The following TMEM131 variants were observed in gnomAD, a reference collection of about 807,000 sequenced individuals.
The protein encoded by TMEM131 is transmembrane protein 131.
A neutral mutation model predicts 211.6 loss-of-function variants in TMEM131; 66 were observed. That is an observed-to-expected ratio of 0.31 (90% CI 0.26 to 0.38). TMEM131 has a LOEUF of 0.38. TMEM131 is among the 10% of genes least tolerant of loss of function. The pLI is 1.00. For synonymous variants in TMEM131, 844 were observed against 841.3 expected, an observed-to-expected ratio of 1.00 and a Z score of -0.06; for missense variants, 2,036 against 2,299.3, an observed-to-expected ratio of 0.89 and a Z score of 2.34.
At chr2:97,819,761 G>A (rs1682021113) in intron 11 of TMEM131, among the ~76,000 whole-genome samples, 2 of 152,190 alleles carry the variant, frequency 1.3e-5, no homozygotes, top group South Asian at 4.1e-4. Flanking sequence ...AAAGAACATT[G>A]TCCTTTTCTG....
At chr2:97,973,634 G>T (rs1559484216) in intron 1 of TMEM131, among the ~76,000 whole-genome samples, 1 of 152,170 alleles carries the variant, frequency 6.6e-6, no homozygotes, top group African/African-American at 2.4e-5. Context: ...TTTGTGTGAG[G>T]TAACTCCCCA....
chr2:97,965,155 C>T (rs1678996167), intron 1 of TMEM131, among the ~76,000 whole-genome samples: 2 of 152,204 alleles, frequency 1.3e-5, no homozygotes, highest in South Asian at 4.1e-4. Context: ...CCACTCCCAC[C>T]CATTTCAGTC....
intron 32 of TMEM131, among the ~76,000 whole-genome samples, chr2:97,773,655 T>C (rs1420558937): frequency 8.2e-5 from 5 of 60,798 alleles, no homozygotes; most frequent in Non-Finnish European, 2.0e-4. Context: ...TTATGTGTGG[T>C]TTTTTTTTTT....
chr2:97,972,556 T>C (rs905621471), intron 1 of TMEM131, among the ~76,000 whole-genome samples: 25 of 151,816 alleles, frequency 1.6e-4, no homozygotes, highest in Non-Finnish European at 3.1e-4. Context: ...CTAAAAACCA[T>C]CAATCTGTGG....
At chr2:97,870,906 T>C (rs1373858508) in intron 4 of TMEM131, among the ~76,000 whole-genome samples, 1 of 152,150 alleles carries the variant, frequency 6.6e-6, no homozygotes, top group Non-Finnish European at 1.5e-5. Context: ...AAAGATTGGG[T>C]AGGTAGGAAT....
intron 31 of TMEM131, among the ~76,000 whole-genome samples, chr2:97,780,043 CAAAA>C (rs1004512744): frequency 4.6e-5 from 7 of 151,162 alleles, no homozygotes; most frequent in Admixed American, 6.6e-5. Flanking sequence ...ACAAAACAAA[CAAAA>C]AACAAACAAA....
chr2:97,831,171 T>C (rs1298185948), intron 11 of TMEM131, among the ~76,000 whole-genome samples: 2 of 152,252 alleles, frequency 1.3e-5, no homozygotes, highest in East Asian at 3.8e-4. Flanking sequence ...TGCCCTTCCA[T>C]GTCTGTAAGT....
Position 97,756,486 on chromosome 2 carries a change from T to TACAA in TMEM131, c.*609_*612dup, listed in dbSNP as rs1341391841. 2.0e-5 allele frequency: 3 copies of TACAA among 152,254 alleles called. No individual in the cohort carries two copies. Among genetic ancestry groups the TACAA allele is most frequent in the Admixed American group, 1.3e-4 (2 of 15,280 alleles). 9.4% of individuals were successfully genotyped at this position (152,254 alleles called of 1,614,324 possible). ...GTATACAAATGTTACATACCTCAAG[T>TACAA]ACAAACAGCACAGAAAATGCATATG... is the stretch of plus-strand genomic sequence containing the variant. On this transcript the variant is annotated 3_prime_UTR_variant, in exon 41 of 41. Transcript: ENST00000186436.
Position 97,762,075 on chromosome 2 carries a change from G to A in TMEM131, c.4849C>T (p.Arg1617Trp), listed in dbSNP as rs746490239. 18 of 1,601,746 alleles carry A rather than the reference G, an allele frequency of 1.1e-5. No homozygotes were observed. The highest frequency in any genetic ancestry group is 6.7e-5 in the South Asian group (6 of 89,318). ...PPAAPCPFVARGSYSSIVNSS... is the reference protein window; with the variant it reads ...PPAAPCPFVAWGSYSSIVNSS... The stretch of plus-strand genomic sequence containing the variant: ...TTGACGATGCTGCTGTAGCTGCCCC[G>A]GGCCACAAAGGGGCAGGGGGCAGCT... Residue 1617 changes from arginine to tryptophan, a missense_variant, in exon 36 of 41, where the codon CGG (arginine) becomes TGG (tryptophan). Transcript: ENST00000186436.
intron 5 of TMEM131, among the ~76,000 whole-genome samples, chr2:97,849,609 G>A (rs1490763782): frequency 6.6e-6 from 1 of 151,306 alleles, no homozygotes; most frequent in Non-Finnish European, 1.5e-5. Context: ...GAATTTCACT[G>A]CAAGTATACT....
At chr2:97,819,300 G>A (rs1559379542) in intron 11 of TMEM131, among the ~76,000 whole-genome samples, 1 of 152,194 alleles carries the variant, frequency 6.6e-6, no homozygotes, top group Admixed American at 6.5e-5. Flanking sequence ...GCAGCCCACA[G>A]GGATGTTCAG....
In TMEM131 at chr2:97,838,426, C is replaced by CTTT. The variant is rs753635047; in HGVS notation, c.724-1272_724-1270dup. Among the ~76,000 whole-genome samples, 39 of 89,096 alleles carry CTTT rather than the reference C, an allele frequency of 4.4e-4. 3 individuals carry two copies. Among genetic ancestry groups the CTTT allele is most frequent in the South Asian group, 1.6e-3 (3 of 1,874 alleles). The allele number at this position is 89,096 out of a possible 152,430, so 58.5% of individuals were successfully genotyped here. A position where few individuals can be genotyped will look rare whatever the true frequency, so the allele number is the denominator to read the frequency against. ...AAAAATGGCAATTCTTAAGCTTAAACTTTTTTTTTTTTTTTTTTTTTTTTT... is the reference window on the plus strand; with the variant it reads ...AAAAATGGCAATTCTTAAGCTTAAACTTTTTTTTTTTTTTTTTTTTTTTTTTTT... On this transcript the variant is annotated intron_variant, in intron 7 of 40. Transcript: ENST00000186436.
intron 3 of TMEM131, among the ~76,000 whole-genome samples, chr2:97,893,192 T>C (rs895896862): frequency 2.0e-5 from 3 of 152,236 alleles, no homozygotes; most frequent in Non-Finnish European, 4.4e-5. Flanking sequence ...GTTTCCAGCT[T>C]CATCCATGTC....
At chr2:97,922,544 GAAGT>G (rs1257247291) in intron 2 of TMEM131, among the ~76,000 whole-genome samples, 1 of 151,942 alleles carries the variant, frequency 6.6e-6, no homozygotes, top group African/African-American at 2.4e-5. Context: ...CAATGAAACT[GAAGT>G]AACTACAGTT....
chr2:97,815,262 A>C lies in TMEM131; in HGVS notation c.1229T>G (p.Val410Gly). 4 of 1,575,610 alleles carry C rather than the reference A, an allele frequency of 2.5e-6. No homozygotes were observed. Among genetic ancestry groups the C allele is most frequent in the Non-Finnish European group, 3.4e-6 (4 of 1,169,768 alleles). Residue 410 changes from valine (V) to glycine (G), a missense_variant, in exon 13 of 41, where the codon GTT becomes GGT. By Grantham distance (109) the Val-to-Gly change is moderately radical. Transcript: ENST00000186436. ...KPSQFSGKIT[V>G]KAKEKSYSKL... is the part of the protein sequence containing the mutation. ...AGAATAACTCTTTTCCTTTGCTTTA[A>C]CTGTTATTTTCCCAGAAAACTGAGA...
rs1323418835 is a variant in TMEM131 at position 97,989,182 on chromosome 2, G to T, written c.187+6294C>A. Among the ~76,000 whole-genome samples, 5 of 151,066 alleles carry T rather than the reference G, an allele frequency of 3.3e-5. No individual in the cohort carries two copies. In the East Asian group the frequency reaches 9.6e-4, roughly 29 times the overall value. Reference sequence around the variant, plus strand: ...TTAAATATTGAAATATATGTATGTTGTGAGTTTAAGGAGCCTGTAATTGTC... The same window carrying T: ...TTAAATATTGAAATATATGTATGTTTTGAGTTTAAGGAGCCTGTAATTGTC... On this transcript the variant is annotated intron_variant, in intron 1 of 40. Transcript: ENST00000186436.
At chr2:97,864,141 C>T (rs1674176151) in intron 4 of TMEM131, among the ~76,000 whole-genome samples, 1 of 152,096 alleles carries the variant, frequency 6.6e-6, no homozygotes, top group Admixed American at 6.6e-5. Flanking sequence ...GACAAACTTT[C>T]CATGTTCTCA....
chr2:97,942,480 A>T (rs1414108527), intron 1 of TMEM131, among the ~76,000 whole-genome samples: 8 of 116,882 alleles, frequency 6.8e-5, no homozygotes, highest in African/African-American at 2.2e-4. Context: ...TATAATTTAA[A>T]AAAAAAAAAT....
At chr2:97,864,758 G>T (rs1674206074) in intron 4 of TMEM131, among the ~76,000 whole-genome samples, 1 of 152,206 alleles carries the variant, frequency 6.6e-6, no homozygotes, top group African/African-American at 2.4e-5. Context: ...AAAGGAAAGT[G>T]AGTGTCAATG....
Sources: gnomAD v4.1 joint callset for allele counts (sites outside exome capture counted in the v4.1 genomes callset) on GRCh38, gnomAD v4.1.1 for gene constraint, MANE v1.5 for transcripts, NCBI Gene and HGNC (gene_info 2026-07-23, HGNC 2026-07-21) for gene names.